The following ZNF236 variants were observed in gnomAD, a reference collection of about 807,000 sequenced individuals.
ZNF236 encodes the protein zinc finger protein 236, also known as regulated by glucose.
Under a neutral mutation model 191.2 loss-of-function variants are expected in ZNF236, and 50 were observed. The observed-to-expected ratio is 0.26, with a 90% CI of 0.21 to 0.33. The LOEUF is 0.33. Ranked by LOEUF, ZNF236 falls within the 10% of genes least tolerant of loss-of-function variation. The pLI is 1.00. For missense variants in ZNF236, 1,754 were observed against 2,374.5 expected (o/e 0.74, Z 5.43); for synonymous variants, 907 against 928.8 (o/e 0.98, Z 0.43).
At chr18:76,865,939 A>G (rs1048165296) in intron 3 of ZNF236, among the ~76,000 whole-genome samples, 1 of 152,204 alleles carries the variant, frequency 6.6e-6, no homozygotes, top group Non-Finnish European at 1.5e-5. Context: ...ACTGAAATCT[A>G]ATTTTTAGTT....
Position 76,968,342 on chromosome 18 carries a change from C to G in ZNF236, c.*3C>G, listed in dbSNP as rs765702259. On this transcript the variant is annotated 3_prime_UTR_variant, in exon 31 of 31. Transcript: ENST00000320610. ...AGGCCCTCACCCACGTCTTCTGATGCGAGTTGGAAGTACACCTTTAAGAAT... is the reference window on the plus strand; with the variant it reads ...AGGCCCTCACCCACGTCTTCTGATGGGAGTTGGAAGTACACCTTTAAGAAT... 5.0e-6 allele frequency: 8 copies of G among 1,605,010 alleles called. No individual in the cohort carries two copies. The highest frequency in any genetic ancestry group is 3.4e-6 in the Non-Finnish European group (4 of 1,177,636).
In ZNF236 at chr18:76,881,395, G is replaced by C. The variant is rs763380366; in HGVS notation, c.1300G>C (p.Val434Leu). Residue 434 changes from valine (V) to leucine (L), a missense_variant, in exon 9 of 31, where the codon GTT becomes CTT. Val to Leu is a conservative substitution (Grantham distance 32). Transcript: ENST00000320610. ...CGCTCAAAACCCAGATGTTTCCAGCGTTTCAAATGAGCAGACGGACCCCAC... is the reference window on the plus strand; with the variant it reads ...CGCTCAAAACCCAGATGTTTCCAGCCTTTCAAATGAGCAGACGGACCCCAC... ...PHAQNPDVSS[V>L]SNEQTDPTDA... 6.2e-7 allele frequency: 1 copy of C among 1,613,998 alleles called. No homozygotes were observed. The highest frequency in any genetic ancestry group is 2.2e-5 in the East Asian group (1 of 44,874).
At chr18:76,824,672 A>G (rs1974966179) in intron 1 of ZNF236, among the ~76,000 whole-genome samples, 2 of 152,200 alleles carry the variant, frequency 1.3e-5, no homozygotes, top group African/African-American at 4.8e-5. Context: ...TTCCCCCAGT[A>G]TCCCCATCTC....
intron 25 of ZNF236, among the ~76,000 whole-genome samples, chr18:76,934,479 C>A (rs1291269486): frequency 6.6e-6 from 1 of 152,298 alleles, no homozygotes; most frequent in South Asian, 2.1e-4. Context: ...TTCTTACCTT[C>A]GTCCACTTTT....
At chr18:76,966,864 C>T (rs985618038) in intron 30 of ZNF236, among the ~76,000 whole-genome samples, 2 of 152,214 alleles carry the variant, frequency 1.3e-5, no homozygotes, top group Non-Finnish European at 2.9e-5. Context: ...GACTAGGTTT[C>T]AGAGGGTGGC....
At chr18:76,923,311 T>C (rs1967589376) in intron 21 of ZNF236, 137 bp downstream of exon 21, 2 of 565,214 alleles carry the variant, frequency 3.5e-6, no homozygotes, top group Non-Finnish European at 6.1e-6. Context: ...AAGGAAGTGA[T>C]ATAAAAGATT....
At position 76,972,752 on chromosome 18, in the gene ZNF236, CTCTTTT is replaced by C. The variant is rs1968926196; in HGVS notation, c.*4415_*4420del. ...AATTTTTTTTAATTACAGAAGAATT[CTCTTTT>C]TATCTTCACAATTGTTTCATGATCT... On this transcript the variant is annotated 3_prime_UTR_variant, in exon 31 of 31. Transcript: ENST00000320610. Among the ~76,000 whole-genome samples the C allele has an allele frequency of 6.6e-6, 1 of 152,010 alleles. No homozygotes were observed. Among genetic ancestry groups the C allele is most frequent in the African/African-American group, 2.4e-5 (1 of 41,364 alleles).
intron 11 of ZNF236, among the ~76,000 whole-genome samples, chr18:76,902,563 TTTTC>T (rs1390763671): frequency 1.3e-5 from 2 of 151,276 alleles, no homozygotes; most frequent in African/African-American, 2.4e-5. Flanking sequence ...ATGCCTGCAT[TTTTC>T]TTTCTTTTTT....
At chr18:76,959,875 G>A in intron 29 of ZNF236, 59 bp downstream of exon 29, 2 of 1,563,286 alleles carry the variant, frequency 1.3e-6, no homozygotes, top group East Asian at 2.3e-5. Context: ...TCATGGGTGA[G>A]AAAACATAAT....
Position 76,875,764 on chromosome 18 carries a change from A to G in ZNF236, c.840+100A>G, listed in dbSNP as rs1189093589. On this transcript the variant is annotated intron_variant, in intron 6 of 30. Transcript: ENST00000320610. This position sits in a 1 kb window ranked among gnomAD's most constrained non-coding sequence, Gnocchi z 4.3. ...GAGAAATTCTTTTCCATTTAAAAAA[A>G]TGCAGATTGATTTTGTGCCGAGCAG... The G allele has an allele frequency of 8.0e-7, 1 of 1,248,812 alleles. No individual in the cohort carries two copies. The highest frequency in any genetic ancestry group is 1.0e-6 in the Non-Finnish European group (1 of 968,898). The allele number at this position is 1,248,812 out of a possible 1,614,324, so 77.4% of individuals were successfully genotyped here.
chr18:76,932,516 C>T (rs889629538), intron 25 of ZNF236, among the ~76,000 whole-genome samples: 63 of 152,316 alleles, frequency 4.1e-4, no homozygotes, highest in African/African-American at 1.2e-3. Context: ...ATCTTTCCCC[C>T]GCTGCATGGT....
rs753579608 is a variant in ZNF236 at position 76,928,087 on chromosome 18, A to G, written c.4575A>G (p.Glu1525=). 6 of 1,609,846 alleles carry G rather than the reference A, an allele frequency of 3.7e-6. No homozygotes were observed. Among genetic ancestry groups the G allele is most frequent in the East Asian group, 4.5e-5 (2 of 44,796 alleles). ...TATSSSGSPQ[E]ITLTISELNT... is the part of the protein sequence containing the mutation. The stretch of plus-strand genomic sequence containing the variant: ...CGTCTTCCTCGGGGTCTCCACAGGA[A>G]ATTACCCTGACTATCTCCGGTTAGT... The change falls in exon 25 of 31, where the codon GAA becomes GAG. Residue 1525 remains glutamate, a synonymous_variant. Transcript: ENST00000320610.
intron 10 of ZNF236, among the ~76,000 whole-genome samples, chr18:76,897,401 G>T (rs116519027): frequency 4.8e-5 from 7 of 146,620 alleles, no homozygotes; most frequent in Admixed American, 3.4e-4. Context: ...ACAGTACTGC[G>T]CTCAGGTACT....
chr18:76,944,955 G>A (rs1226939210), intron 26 of ZNF236, among the ~76,000 whole-genome samples: 2 of 151,956 alleles, frequency 1.3e-5, no homozygotes, highest in Non-Finnish European at 2.9e-5. Flanking sequence ...ACCCAGTTTT[G>A]CCCAACAGGA....
intron 11 of ZNF236, among the ~76,000 whole-genome samples, chr18:76,899,874 C>A (rs945243490): frequency 6.6e-6 from 1 of 152,160 alleles, no homozygotes. Context: ...TAGGAGTTTA[C>A]TTCTCACAGT....
intron 18 of ZNF236, among the ~76,000 whole-genome samples, chr18:76,915,168 G>A (rs755664653): frequency 6.6e-6 from 1 of 152,178 alleles, no homozygotes; most frequent in Non-Finnish European, 1.5e-5. Flanking sequence ...AGGGCCTTCT[G>A]TATGGGACTT....
intron 1 of ZNF236, among the ~76,000 whole-genome samples, chr18:76,843,499 C>T (rs1413753119): frequency 3.3e-5 from 5 of 151,974 alleles, no homozygotes; most frequent in African/African-American, 4.8e-5. Context: ...AAGAAGAGGC[C>T]GGGCACAGTG....
At chr18:76,940,216 T>C (rs77230859) in intron 26 of ZNF236, among the ~76,000 whole-genome samples, 3,238 of 78,130 alleles carry the variant, frequency 0.041, 38 homozygotes, top group African/African-American at 0.055. Context: ...TTTGGGAACA[T>C]GGTGGGCTGC....
At position 76,925,675 on chromosome 18, in the gene ZNF236, G is replaced by A; in HGVS notation, c.4027+121G>A. 1 of 1,368,570 alleles carries A rather than the reference G, an allele frequency of 7.3e-7. No homozygotes were observed. Among genetic ancestry groups the A allele is most frequent in the Non-Finnish European group, 9.7e-7 (1 of 1,034,558 alleles). 84.8% of individuals were successfully genotyped at this position (1,368,570 alleles called of 1,614,324 possible). Reference sequence around the variant, plus strand: ...GTAGCACCACGTTTCCCTTCTTTGAGCCTTTTCCTTATAAGGCATTCGGAA... The same window carrying A: ...GTAGCACCACGTTTCCCTTCTTTGAACCTTTTCCTTATAAGGCATTCGGAA... On this transcript the variant is annotated intron_variant, in intron 22 of 30. Transcript: ENST00000320610. The surrounding 1 kb of genome is among the most constrained non-coding windows in gnomAD (Gnocchi z 5.7).
Sources: allele counts gnomAD v4.1 joint callset (sites outside exome capture counted in the v4.1 genomes callset), GRCh38; gene constraint gnomAD v4.1.1; non-coding constraint Gnocchi (gnomAD v3.1); transcripts MANE v1.5; gene names NCBI Gene and HGNC (gene_info 2026-07-23, HGNC 2026-07-21).